ADGRL2: variants seen among roughly 807,000 people sequenced by gnomAD.
ADGRL2 encodes the protein adhesion G protein-coupled receptor L2.
In ADGRL2, 44 loss-of-function variants were observed where a neutral mutation model predicts 157.4. The ratio of observed to expected loss-of-function variants is 0.28; its 90% CI spans 0.22 to 0.36. The LOEUF is 0.36. Among genes scored for constraint, ADGRL2 ranks in the 10% least tolerant of loss-of-function variants. ADGRL2 has a pLI of 1.00. For missense variants in ADGRL2, 1,510 were observed against 1,768.9 expected, an observed-to-expected ratio of 0.85 and a Z score of 2.63; for synonymous variants, 585 against 624.7, an observed-to-expected ratio of 0.94 and a Z score of 0.95.
At chr1:81,913,670 T>G (rs1434367330) in intron 3 of ADGRL2, among the ~76,000 whole-genome samples, 2 of 152,172 alleles carry the variant, frequency 1.3e-5, no homozygotes, top group Non-Finnish European at 2.9e-5. Flanking sequence ...GTCATTATAA[T>G]TGGTACACTT....
At chr1:81,355,957 G>T (rs1337930532) in intron 1 of ADGRL2, among the ~76,000 whole-genome samples, 1 of 152,110 alleles carries the variant, frequency 6.6e-6, no homozygotes, top group Non-Finnish European at 1.5e-5. Context: ...TACTCCCATT[G>T]TTACATATTT....
chr1:81,903,551 A>G (rs2094526368), intron 2 of ADGRL2, among the ~76,000 whole-genome samples: 1 of 151,884 alleles, frequency 6.6e-6, no homozygotes. Flanking sequence ...TAAAATTGGT[A>G]CTATAACAGC....
At chr1:81,826,600 G>T (rs1376677345) in intron 1 of ADGRL2, among the ~76,000 whole-genome samples, 1 of 152,130 alleles carries the variant, frequency 6.6e-6, no homozygotes, top group African/African-American at 2.4e-5. Flanking sequence ...TGTATGGTTG[G>T]CCCTTCGCCT....
At chr1:81,983,125 A>C (rs979651459) in intron 19 of ADGRL2, among the ~76,000 whole-genome samples, 13 of 151,976 alleles carry the variant, frequency 8.6e-5, no homozygotes, top group African/African-American at 2.9e-4. Context: ...TCATAGACAT[A>C]GCAGAAAAGG....
intron 1 of ADGRL2, among the ~76,000 whole-genome samples, chr1:81,344,682 A>AAAAAAAAAAT (rs1557613386): frequency 6.8e-6 from 1 of 147,122 alleles, no homozygotes; most frequent in Non-Finnish European, 1.5e-5. Context: ...AAAAAAAAAA[A>AAAAAAAAAAT]AAAAAAAAGC....
intron 1 of ADGRL2, chr1:81,427,626 G>C: frequency 1.6e-6 from 1 of 642,192 alleles, no homozygotes; most frequent in Non-Finnish European, 2.9e-6. Flanking sequence ...CAGCAGAAAA[G>C]GGCTGCAGCT....
At chr1:81,967,540 C>T (rs970905911) in intron 13 of ADGRL2, among the ~76,000 whole-genome samples, 2 of 152,156 alleles carry the variant, frequency 1.3e-5, no homozygotes, top group Non-Finnish European at 2.9e-5. Context: ...GGATTACAGG[C>T]GTGAGCCACC....
chr1:81,387,781 A>AT (rs2076464016), intron 1 of ADGRL2, among the ~76,000 whole-genome samples: 1 of 151,946 alleles, frequency 6.6e-6, no homozygotes, highest in African/African-American at 2.4e-5. Flanking sequence ...GAGTTTATGG[A>AT]TTACTTTCTT....
intron 3 of ADGRL2, among the ~76,000 whole-genome samples, chr1:81,692,753 T>C (rs1481702339): frequency 6.6e-6 from 1 of 152,170 alleles, no homozygotes; most frequent in Non-Finnish European, 1.5e-5. Flanking sequence ...TAATAGGCAT[T>C]TTTTGCCAGT....
intron 1 of ADGRL2, among the ~76,000 whole-genome samples, chr1:81,747,214 T>C (rs2149251582): frequency 6.7e-6 from 1 of 148,160 alleles, no homozygotes; most frequent in East Asian, 2.0e-4. Context: ...TATATGTATG[T>C]GTGTATATAT....
At chr1:81,866,891 T>C (rs1183905888) in intron 2 of ADGRL2, among the ~76,000 whole-genome samples, 2 of 152,156 alleles carry the variant, frequency 1.3e-5, no homozygotes. Flanking sequence ...ATAAAATAGA[T>C]ACTCTCTGGA....
chr1:81,528,137 G>T (rs1038788144), intron 2 of ADGRL2, among the ~76,000 whole-genome samples: 1 of 152,108 alleles, frequency 6.6e-6, no homozygotes, highest in South Asian at 2.1e-4. Context: ...CAACAAATTC[G>T]CTGACAGCAT....
In ADGRL2 at chr1:81,570,094, C is replaced by T. The variant is rs78566327; in HGVS notation, c.-247-10782C>T. On this transcript the variant is annotated intron_variant, in intron 2 of 24. Transcript: ENST00000370721. Reference sequence around the variant, plus strand: ...CAACATCATAGTCCCTCAGAAGTCACTCCAAAATTTCTGCAATATCCTATT... The same window carrying T: ...CAACATCATAGTCCCTCAGAAGTCATTCCAAAATTTCTGCAATATCCTATT... 2.4e-4 allele frequency among the ~76,000 whole-genome samples: 37 copies of T among 152,208 alleles called. No homozygotes were observed. The East Asian group carries it at 4.3e-3, about 18-fold the overall frequency.
At chr1:81,868,063 GT>G (rs2093595484) in intron 2 of ADGRL2, among the ~76,000 whole-genome samples, 2 of 136,940 alleles carry the variant, frequency 1.5e-5, no homozygotes, top group African/African-American at 6.2e-5. Context: ...TGTGTGTGGT[GT>G]GTGTGTGTGT....
At chr1:81,350,797 G>A (rs1662824027) in intron 1 of ADGRL2, among the ~76,000 whole-genome samples, 1 of 152,098 alleles carries the variant, frequency 6.6e-6, no homozygotes. Context: ...TGACTGTGAT[G>A]GAGCATTAGA....
chr1:81,484,538 G>GT (rs2078459012), intron 2 of ADGRL2, among the ~76,000 whole-genome samples: 1 of 152,180 alleles, frequency 6.6e-6, no homozygotes, highest in Admixed American at 6.6e-5. Context: ...AGTAAAACCA[G>GT]TAGCAGAAAG....
intron 23 of ADGRL2, chr1:81,990,135 T>G: frequency 2.0e-6 from 2 of 985,352 alleles, no homozygotes; most frequent in Non-Finnish European, 1.2e-6. Flanking sequence ...TACTGTCTCC[T>G]GAAATTGATA....
intron 1 of ADGRL2, among the ~76,000 whole-genome samples, chr1:81,418,370 C>T (rs1005127299): frequency 3.3e-5 from 5 of 152,168 alleles, no homozygotes; most frequent in Non-Finnish European, 7.3e-5. Context: ...GCCATGTTTC[C>T]AATTAGAACT....
At chr1:81,523,538 A>G (rs1459510129) in intron 2 of ADGRL2, among the ~76,000 whole-genome samples, 1 of 152,206 alleles carries the variant, frequency 6.6e-6, no homozygotes, top group East Asian at 1.9e-4. Flanking sequence ...TGGGTAAAGG[A>G]AATGTACAGC....
Sources: gnomAD v4.1 joint callset for allele counts (sites outside exome capture counted in the v4.1 genomes callset) on GRCh38, gnomAD v4.1.1 for gene constraint, MANE v1.5 for transcripts, NCBI Gene and HGNC (gene_info 2026-07-23, HGNC 2026-07-21) for gene names.